PDE9A: variants seen among roughly 807,000 people sequenced by gnomAD.
The protein encoded by PDE9A is high affinity cGMP-specific 3',5'-cyclic phosphodiesterase 9A.
In PDE9A, 60 loss-of-function variants were observed where a neutral mutation model predicts 87.4. That is an observed-to-expected ratio of 0.69 (90% CI 0.56 to 0.85). The LOEUF (loss-of-function observed/expected upper bound fraction) is 0.85, where lower values mean the gene tolerates loss of function less well. PDE9A is among the 40% of genes least tolerant of loss of function. The probability of loss-of-function intolerance (pLI) is 0.00; values close to 1 mark genes in which losing one functional copy is unlikely to be tolerated. For synonymous variants in PDE9A, 272 were observed against 279.4 expected (o/e 0.97, Z 0.27); for missense variants, 665 against 779.0 (o/e 0.85, Z 1.74).
At chr21:42,775,008 C>T (rs1167902142) in intron 19 of PDE9A, among the ~76,000 whole-genome samples, 4 of 150,734 alleles carry the variant, frequency 2.7e-5, no homozygotes. Flanking sequence ...GTGGTGCAAT[C>T]TCGGCTCACT....
At chr21:42,770,114 C>T (rs540450086) in intron 17 of PDE9A, among the ~76,000 whole-genome samples, 1 of 151,284 alleles carries the variant, frequency 6.6e-6, no homozygotes, top group African/African-American at 2.4e-5. Context: ...CTCCCAGTCT[C>T]ACCGCACCCA....
At chr21:42,662,777 C>T (rs867582574) in intron 1 of PDE9A, among the ~76,000 whole-genome samples, 31 of 126,988 alleles carry the variant, frequency 2.4e-4, no homozygotes, top group South Asian at 1.5e-3. Context: ...AGGACACACA[C>T]CACACACACA....
intron 1 of PDE9A, among the ~76,000 whole-genome samples, chr21:42,658,102 C>T (rs900677327): frequency 4.6e-5 from 7 of 152,230 alleles, no homozygotes; most frequent in Non-Finnish European, 7.3e-5. Flanking sequence ...GCCCCCTTCA[C>T]ATGCGGGAGC....
chr21:42,672,762 G>A (rs2058633712), intron 1 of PDE9A, among the ~76,000 whole-genome samples: 1 of 152,246 alleles, frequency 6.6e-6, no homozygotes, highest in African/African-American at 2.4e-5. Flanking sequence ...ATGTGTTTGT[G>A]TTGATGTGGC....
chr21:42,672,740 T>G (rs1452724542), intron 1 of PDE9A, among the ~76,000 whole-genome samples: 2 of 152,246 alleles, frequency 1.3e-5, no homozygotes, highest in Non-Finnish European at 2.9e-5. Flanking sequence ...GCGGTTGATC[T>G]TATTAACGCA....
chr21:42,688,105 A>T, intron 3 of PDE9A, 111 bp downstream of exon 3: 1 of 906,428 alleles, frequency 1.1e-6, no homozygotes, highest in Non-Finnish European at 1.8e-6. Flanking sequence ...GTGAATTGAC[A>T]GCAGAGATGG....
intron 1 of PDE9A, among the ~76,000 whole-genome samples, 200 bp downstream of exon 1, chr21:42,654,083 T>TG (rs535631608): frequency 4.3e-5 from 3 of 70,098 alleles, no homozygotes; most frequent in East Asian, 7.2e-4. Flanking sequence ...GGGTGGGGGG[T>TG]GGGGGGGCGG....
intron 1 of PDE9A, among the ~76,000 whole-genome samples, chr21:42,664,726 G>T (rs920563982): frequency 6.6e-6 from 1 of 152,242 alleles, no homozygotes; most frequent in African/African-American, 2.4e-5. Context: ...GGCTTCTGTA[G>T]CTCCCCCCAT....
chr21:42,702,229 C>T lies in PDE9A; in HGVS notation c.262+3218C>T, dbSNP rs2048440975. Among the ~76,000 whole-genome samples, 1 of 151,894 alleles carries T rather than the reference C, an allele frequency of 6.6e-6. No homozygotes were observed. The stretch of plus-strand genomic sequence containing the variant: ...GTCTTCCATTGCACTGGTCTTCCCT[C>T]CTGCAGTATCTAGTCTGCTGTTAAT... On this transcript the variant is annotated intron_variant, in intron 4 of 19. Coordinates refer to ENST00000291539, the MANE Select transcript of PDE9A (RefSeq NM_002606.3). This position sits in a 1 kb window ranked among gnomAD's most constrained non-coding sequence, Gnocchi z 4.9.
chr21:42,747,671 A>G (rs934765682), intron 8 of PDE9A, among the ~76,000 whole-genome samples: 1 of 152,202 alleles, frequency 6.6e-6, no homozygotes, highest in Non-Finnish European at 1.5e-5. Flanking sequence ...CATTTAGGGC[A>G]GGGGCAGGGG....
At chr21:42,720,231 C>T (rs2050361739) in intron 4 of PDE9A, among the ~76,000 whole-genome samples, 1 of 152,194 alleles carries the variant, frequency 6.6e-6, no homozygotes, top group African/African-American at 2.4e-5. Flanking sequence ...CAGTGACTCA[C>T]GCCTGTAATC....
intron 1 of PDE9A, among the ~76,000 whole-genome samples, chr21:42,669,875 G>A (rs923360234): frequency 1.3e-5 from 2 of 152,168 alleles, no homozygotes; most frequent in Non-Finnish European, 2.9e-5. Flanking sequence ...TTGAGCCCGG[G>A]AACCTGCACA....
intron 1 of PDE9A, among the ~76,000 whole-genome samples, chr21:42,670,157 GCA>G (rs78085817): frequency 0.18 from 27,259 of 147,938 alleles, 2,734 homozygotes; most frequent in East Asian, 0.37. Flanking sequence ...ACATTCACAC[GCA>G]CACACATTCA....
At chr21:42,757,544 A>G (rs1170624600) in intron 10 of PDE9A, 2 of 152,256 alleles carry the variant, frequency 1.3e-5, no homozygotes, top group Non-Finnish European at 2.9e-5. Context: ...TGGCGTCAGC[A>G]GCAAAAGTTG....
At chr21:42,670,644 CTA>C (rs371012718) in intron 1 of PDE9A, among the ~76,000 whole-genome samples, 21 of 151,824 alleles carry the variant, frequency 1.4e-4, no homozygotes, top group South Asian at 2.1e-4. Context: ...CACTTACAAA[CTA>C]TCATTCACAC....
rs368514970 is a variant in PDE9A at position 42,759,967 on chromosome 21, A to G, written c.898-361A>G. 3.3e-5 allele frequency among the ~76,000 whole-genome samples: 5 copies of G among 152,120 alleles called. No individual in the cohort carries two copies. The highest frequency in any genetic ancestry group is 1.9e-4 in the East Asian group (1 of 5,172). Reference sequence around the variant, plus strand: ...AAAGCCTATTAAAGGTTTCATGGTGACTGGGGACCCAGAGCTCCCTCTTGG... The same window carrying G: ...AAAGCCTATTAAAGGTTTCATGGTGGCTGGGGACCCAGAGCTCCCTCTTGG... On this transcript the variant is annotated intron_variant, in intron 11 of 19. Coordinates refer to ENST00000291539, the MANE Select transcript of PDE9A (RefSeq NM_002606.3). This position sits in a 1 kb window ranked among gnomAD's most constrained non-coding sequence, Gnocchi z 7.2.
intron 1 of PDE9A, among the ~76,000 whole-genome samples, chr21:42,656,066 C>CA (rs1158497886): frequency 6.6e-6 from 1 of 152,234 alleles, no homozygotes; most frequent in Non-Finnish European, 1.5e-5. Context: ...GTGCCGCTGC[C>CA]ATCAGCCGCC....
At chr21:42,725,798 G>T (rs1325532496) in intron 4 of PDE9A, among the ~76,000 whole-genome samples, 1 of 152,176 alleles carries the variant, frequency 6.6e-6, no homozygotes, top group Non-Finnish European at 1.5e-5. Context: ...ACATCCGCCA[G>T]GAACATGTGG....
chr21:42,709,554 C>G (rs77119463), intron 4 of PDE9A, among the ~76,000 whole-genome samples: 2,713 of 152,310 alleles, frequency 0.018, 80 homozygotes, highest in African/African-American at 0.062. Context: ...CCCCGTACCC[C>G]CTTCAAGGCA....
Sources: gnomAD v4.1 joint callset for allele counts (sites outside exome capture counted in the v4.1 genomes callset) on GRCh38, gnomAD v4.1.1 for gene constraint, Gnocchi (gnomAD v3.1) non-coding constraint, MANE v1.5 for transcripts, NCBI Gene and HGNC (gene_info 2026-07-23, HGNC 2026-07-21) for gene names.